Variants in PCDH7 observed in about 807,000 individuals in gnomAD.
The protein encoded by PCDH7 is protocadherin 7, also known as protocadherin-7.
Under a neutral mutation model 58.9 loss-of-function variants are expected in PCDH7, and 17 were observed. That is an observed-to-expected ratio of 0.29 (90% CI 0.20 to 0.43). PCDH7 has a LOEUF of 0.43. PCDH7 is among the 20% of genes least tolerant of loss of function. The pLI is 1.00. For synonymous variants in PCDH7, 664 were observed against 616.4 expected (o/e 1.08, Z -1.14); for missense variants, 1,274 against 1,441.0 (o/e 0.88, Z 1.88).
At chr4:31,023,334 C>T (rs536959734) in intron 3 of PCDH7, among the ~76,000 whole-genome samples, 7 of 152,264 alleles carry the variant, frequency 4.6e-5, no homozygotes, top group East Asian at 1.9e-4. Flanking sequence ...GAGGCTCCTG[C>T]GTGTATTTTA....
Position 30,721,078 on chromosome 4 carries a change from G to A in PCDH7, c.-345G>A, listed in dbSNP as rs1425707221. ...TCCGCCCGCTGAGGGGATGACTCTG[G>A]GTTGGGGGAGCGCCGAACCCGCGGC... On this transcript the variant is annotated 5_prime_UTR_variant, in exon 1 of 2. Coordinates refer to ENST00000361762, the Ensembl canonical transcript of PCDH7. The surrounding 1 kb of genome is among the most constrained non-coding windows in gnomAD (Gnocchi z 6.7). 1 of 282,046 alleles carries A rather than the reference G, an allele frequency of 3.5e-6. No individual in the cohort carries two copies. Among genetic ancestry groups the A allele is most frequent in the Non-Finnish European group, 6.6e-6 (1 of 151,984 alleles). 17.5% of individuals were successfully genotyped at this position (282,046 alleles called of 1,614,324 possible). A position where few individuals can be genotyped will look rare whatever the true frequency, so the allele number is the denominator to read the frequency against.
chr4:31,078,239 A>C (rs1322225543), intron 3 of PCDH7, among the ~76,000 whole-genome samples: 3 of 152,156 alleles, frequency 2.0e-5, no homozygotes, highest in Non-Finnish European at 2.9e-5. Context: ...GAATCAAGTC[A>C]GCTTTAAACA....
chr4:30,900,918 C>A (rs1290186860), intron 1 of PCDH7, among the ~76,000 whole-genome samples: 1 of 152,150 alleles, frequency 6.6e-6, no homozygotes, highest in East Asian at 1.9e-4. Flanking sequence ...TGAGGGGCAA[C>A]ATATGTCTTT....
intron 3 of PCDH7, among the ~76,000 whole-genome samples, chr4:31,084,273 G>A (rs67035639): frequency 0.37 from 56,007 of 151,944 alleles, 10,877 homozygotes; most frequent in African/African-American, 0.48. Flanking sequence ...CGGACAGATT[G>A]CAGAGAAATA....
chr4:30,765,428 A>G (rs1202058223), intron 1 of PCDH7, among the ~76,000 whole-genome samples: 1 of 151,802 alleles, frequency 6.6e-6, no homozygotes, highest in African/African-American at 2.4e-5. Context: ...GTGTTTTAGT[A>G]TTTTGGTGTG....
chr4:30,756,190 T>G (rs1369936134), intron 1 of PCDH7, among the ~76,000 whole-genome samples: 1 of 152,128 alleles, frequency 6.6e-6, no homozygotes, highest in Non-Finnish European at 1.5e-5. Context: ...CCACTCTAGA[T>G]GGAATTAATT....
At chr4:30,932,338 T>C (rs2109427339) in intron 2 of PCDH7, among the ~76,000 whole-genome samples, 1 of 152,358 alleles carries the variant, frequency 6.6e-6, no homozygotes, top group South Asian at 2.1e-4. Context: ...ATATGTTGTA[T>C]GCAAAGTCAT....
intron 1 of PCDH7, among the ~76,000 whole-genome samples, chr4:30,810,432 CTT>C (rs34834630): frequency 1.7e-4 from 25 of 149,478 alleles, no homozygotes; most frequent in South Asian, 8.5e-4. Flanking sequence ...CATTTTTTAG[CTT>C]TTTTTTTTGC....
intron 3 of PCDH7, among the ~76,000 whole-genome samples, chr4:30,976,808 G>T (rs964769066): frequency 6.6e-6 from 1 of 152,220 alleles, no homozygotes; most frequent in South Asian, 2.1e-4. Context: ...ACAGGATTTA[G>T]AACAAAATTC....
At chr4:30,818,880 G>A (rs1375208336) in intron 1 of PCDH7, among the ~76,000 whole-genome samples, 1 of 150,988 alleles carries the variant, frequency 6.6e-6, no homozygotes, top group African/African-American at 2.4e-5. Flanking sequence ...TCAAAAGAGA[G>A]GTTTTCAATC....
chr4:31,134,249 C>T (rs1719324484), intron 3 of PCDH7, among the ~76,000 whole-genome samples: 1 of 152,038 alleles, frequency 6.6e-6, no homozygotes, highest in African/African-American at 2.4e-5. Context: ...ATCATGAGGT[C>T]AGGAGATCGA....
chr4:30,778,156 TA>T (rs535009813), intron 1 of PCDH7, among the ~76,000 whole-genome samples: 81 of 152,080 alleles, frequency 5.3e-4, no homozygotes, highest in African/African-American at 6.7e-4. Flanking sequence ...TAAGTATCAT[TA>T]AAAAAAATTC....
intron 1 of PCDH7, among the ~76,000 whole-genome samples, chr4:30,855,041 G>A (rs1462448544): frequency 1.3e-5 from 2 of 152,114 alleles, no homozygotes; most frequent in African/African-American, 2.4e-5. Context: ...TTAGAAAGTG[G>A]AGGAAAGCAT....
At chr4:30,739,166 A>ATAAAAATATATATATTT (rs1278902556) in intron 1 of PCDH7, among the ~76,000 whole-genome samples, 4 of 147,306 alleles carry the variant, frequency 2.7e-5, no homozygotes, top group African/African-American at 7.4e-5. Flanking sequence ...TATATTATAT[A>ATAAAAATATATATATTT]TATATATCTG....
chr4:31,072,619 A>T (rs1163347271), intron 3 of PCDH7, among the ~76,000 whole-genome samples: 1 of 152,086 alleles, frequency 6.6e-6, no homozygotes, highest in African/African-American at 2.4e-5. Context: ...AAGAGTGAGG[A>T]ACACCATGTA....
At chr4:30,825,354 T>C (rs1487897089) in intron 1 of PCDH7, among the ~76,000 whole-genome samples, 1 of 152,206 alleles carries the variant, frequency 6.6e-6, no homozygotes, top group Non-Finnish European at 1.5e-5. Context: ...CTTTACAGAA[T>C]GTTTTGATAG....
At chr4:30,774,887 C>T (rs1721869340) in intron 1 of PCDH7, among the ~76,000 whole-genome samples, 2 of 152,142 alleles carry the variant, frequency 1.3e-5, no homozygotes, top group Non-Finnish European at 2.9e-5. Context: ...AGTTATAATA[C>T]ATACCTTATG....
chr4:30,879,889 G>C (rs1560462072), intron 1 of PCDH7, among the ~76,000 whole-genome samples: 1 of 152,026 alleles, frequency 6.6e-6, no homozygotes, highest in South Asian at 2.1e-4. Flanking sequence ...AGACCTCTTT[G>C]ATAATTTGAT....
At chr4:30,889,984 G>C (rs1346644077) in intron 1 of PCDH7, among the ~76,000 whole-genome samples, 1 of 152,146 alleles carries the variant, frequency 6.6e-6, no homozygotes, top group African/African-American at 2.4e-5. Flanking sequence ...CCAGACAATT[G>C]GATAAGTGCA....
Sources: allele counts gnomAD v4.1 joint callset (sites outside exome capture counted in the v4.1 genomes callset), GRCh38; gene constraint gnomAD v4.1.1; non-coding constraint Gnocchi (gnomAD v3.1); transcripts MANE v1.5; gene names NCBI Gene and HGNC (gene_info 2026-07-23, HGNC 2026-07-21).